GSE1: variants seen among roughly 807,000 people sequenced by gnomAD.
The protein encoded by GSE1 is genetic suppressor element 1.
GSE1 carries 32 observed loss-of-function variants against 112.6 expected under a neutral mutation model. The observed-to-expected ratio is 0.28, with a 90% CI of 0.21 to 0.38. The LOEUF is 0.38. Ranked by LOEUF, GSE1 falls within the 10% of genes least tolerant of loss-of-function variation. The pLI, the probability that GSE1 is intolerant of heterozygous loss-of-function variation, is 1.00. For missense variants in GSE1, 2,348 were observed against 1,699.2 expected, an observed-to-expected ratio of 1.38 and a Z score of -6.71; for synonymous variants, 1,115 against 735.6, an observed-to-expected ratio of 1.52 and a Z score of -8.35.
At chr16:85,574,409 T>C (rs2046135041) in intron 1 of GSE1, among the ~76,000 whole-genome samples, 1 of 152,152 alleles carries the variant, frequency 6.6e-6, no homozygotes, top group African/African-American at 2.4e-5. Flanking sequence ...GCTGGGTCTT[T>C]CCGGAGCTCT....
intron 1 of GSE1, among the ~76,000 whole-genome samples, chr16:85,193,555 G>T (rs1049041149): frequency 6.6e-6 from 1 of 152,108 alleles, no homozygotes. Context: ...CGCCTCCCGG[G>T]TTCAAGCGAT....
At chr16:85,663,236 C>T (rs2052576882) in intron 10 of GSE1, 108 bp from the exon 11 acceptor site, 2 of 1,374,904 alleles carry the variant, frequency 1.5e-6, no homozygotes, top group Non-Finnish European at 1.0e-6. Context: ...CCACCAGGCG[C>T]AGCCAGCTAC....
exon 1 of GSE1, chr16:85,170,540 C>A (rs1009854604): frequency 7.0e-5 from 69 of 985,672 alleles, no homozygotes; most frequent in Admixed American, 6.1e-5. Flanking sequence ...CAGCCTTTCC[C>A]AGGCGTCTGC....
chr16:85,484,448 A>T (rs1447668984), intron 2 of GSE1, among the ~76,000 whole-genome samples: 3 of 152,242 alleles, frequency 2.0e-5, no homozygotes, highest in Middle Eastern at 3.2e-3. Context: ...GATGGAGTTG[A>T]AGGAGTAAGT....
At chr16:85,264,893 C>T (rs1908077834) in intron 1 of GSE1, among the ~76,000 whole-genome samples, 1 of 152,138 alleles carries the variant, frequency 6.6e-6, no homozygotes, top group African/African-American at 2.4e-5. Flanking sequence ...ACAGGGGTTC[C>T]CCTACTTCCA....
At chr16:85,187,218 G>C (rs780404398) in intron 1 of GSE1, among the ~76,000 whole-genome samples, 2 of 152,234 alleles carry the variant, frequency 1.3e-5, no homozygotes, top group Non-Finnish European at 2.9e-5. Context: ...GGGATCCCTT[G>C]TGACTGTGGC....
At position 85,311,238 on chromosome 16, in the gene GSE1, G is replaced by A. The variant is rs1170325954; in HGVS notation, c.2284-46225G>A. Among the ~76,000 whole-genome samples, 1 of 152,208 alleles carries A rather than the reference G, an allele frequency of 6.6e-6. No individual in the cohort carries two copies. Among genetic ancestry groups the A allele is most frequent in the Non-Finnish European group, 1.5e-5 (1 of 68,032 alleles). On this transcript the variant is annotated intron_variant, in intron 1 of 2. Transcript: ENST00000637419. The surrounding 1 kb of genome is among the most constrained non-coding windows in gnomAD (Gnocchi z 4.2). ...ACTTGAATCCCATGGCACTGATGTG[G>A]GCACAAAGGGGCAGAGCCTAGCCAC...
intron 1 of GSE1, among the ~76,000 whole-genome samples, chr16:85,184,502 A>G (rs537303037): frequency 2.6e-5 from 4 of 152,312 alleles, no homozygotes; most frequent in South Asian, 4.1e-4. Flanking sequence ...AGCATTCCCC[A>G]TATGCTTCCC....
intron 1 of GSE1, among the ~76,000 whole-genome samples, chr16:85,331,744 C>T (rs1455760443): frequency 1.5e-5 from 2 of 129,688 alleles, no homozygotes; most frequent in East Asian, 2.2e-4. Flanking sequence ...GATGGGGTTT[C>T]ACCACGTTGC....
intron 1 of GSE1, among the ~76,000 whole-genome samples, chr16:85,235,079 G>C (rs542863819): frequency 6.6e-6 from 1 of 152,138 alleles, no homozygotes; most frequent in East Asian, 1.9e-4. Flanking sequence ...TTCCTGGGTG[G>C]GGTGAGGTGG....
intron 1 of GSE1, among the ~76,000 whole-genome samples, chr16:85,239,767 A>G (rs974576101): frequency 1.3e-5 from 2 of 152,164 alleles, no homozygotes; most frequent in Non-Finnish European, 2.9e-5. Flanking sequence ...ATTCTGCCAT[A>G]TTGTCATGAT....
intron 2 of GSE1, among the ~76,000 whole-genome samples, chr16:85,485,838 C>T (rs1332205934): frequency 3.3e-5 from 5 of 152,182 alleles, no homozygotes; most frequent in African/African-American, 1.2e-4. Context: ...CAACCCGGGC[C>T]CCAGGTAGGA....
intron 1 of GSE1, among the ~76,000 whole-genome samples, chr16:85,307,527 G>C (rs1053490539): frequency 6.6e-6 from 1 of 152,226 alleles, no homozygotes; most frequent in Non-Finnish European, 1.5e-5. Context: ...GCCCAGGAGG[G>C]TTCCCAGCAC....
rs536311610 is a variant in GSE1, at chr16:85,660,567, A to G, written c.1641-579A>G. 1.8e-3 allele frequency among the ~76,000 whole-genome samples: 279 copies of G among 152,212 alleles called. 1 individual carries two copies. Among genetic ancestry groups the G allele is most frequent in the African/African-American group, 6.4e-3 (268 of 41,554 alleles). On this transcript the variant is annotated intron_variant, in intron 8 of 15. Coordinates refer to ENST00000253458, the MANE Select transcript of GSE1 (RefSeq NM_014615.5). ...AGCTGGAGAAGCGCTTGAACCTGGT[A>G]GGCGGAGGTTGCAGTGAGCTGAGCT...
At chr16:85,304,610 G>GGGGGGGC (rs2045622520) in intron 1 of GSE1, among the ~76,000 whole-genome samples, 2 of 124,574 alleles carry the variant, frequency 1.6e-5, no homozygotes. Flanking sequence ...GCGGGGGGGT[G>GGGGGGGC]GGGCATCCCT....
rs551942278 is a variant in GSE1 at position 85,673,959 on chromosome 16, C to G, written c.*1420C>G. On this transcript the variant is annotated 3_prime_UTR_variant, in exon 16 of 16. Transcript: ENST00000253458. ...GCTGAACCCCTCCTTTTTGAACTTA[C>G]TGTGACAAGCACAGGAACGGTCAGA... 5.3e-5 allele frequency: 8 copies of G among 152,270 alleles called. No homozygotes were observed. Among genetic ancestry groups the G allele is most frequent in the African/African-American group, 1.4e-4 (6 of 41,476 alleles). 9.4% of individuals were successfully genotyped at this position (152,270 alleles called of 1,614,324 possible).
chr16:85,371,943 C>T (rs2047309978), intron 2 of GSE1, among the ~76,000 whole-genome samples: 1 of 152,198 alleles, frequency 6.6e-6, no homozygotes, highest in African/African-American at 2.4e-5. Context: ...GCAGCCCTGG[C>T]TGAAGGAACG....
intron 1 of GSE1, among the ~76,000 whole-genome samples, chr16:85,319,903 C>T (rs1257612570): frequency 6.6e-6 from 1 of 152,192 alleles, no homozygotes; most frequent in African/African-American, 2.4e-5. Context: ...ATAAGGTGCT[C>T]AATAAATGCT....
chr16:85,467,305 A>G (rs1375023822), intron 2 of GSE1, among the ~76,000 whole-genome samples: 1 of 152,194 alleles, frequency 6.6e-6, no homozygotes, highest in Non-Finnish European at 1.5e-5. Context: ...CAGTTTCCTC[A>G]TCTCTAAAAG....
Sources: allele counts gnomAD v4.1 joint callset (sites outside exome capture counted in the v4.1 genomes callset), GRCh38; gene constraint gnomAD v4.1.1; non-coding constraint Gnocchi (gnomAD v3.1); transcripts MANE v1.5; gene names NCBI Gene and HGNC (gene_info 2026-07-23, HGNC 2026-07-21).